Variants in WRN observed in about 807,000 individuals in gnomAD.
WRN encodes the protein WRN RecQ like helicase.
A neutral mutation model predicts 180.7 loss-of-function variants in WRN; 149 were observed. That is an observed-to-expected ratio of 0.82 (90% CI 0.72 to 0.94). The LOEUF (loss-of-function observed/expected upper bound fraction) is 0.94, where lower values mean the gene tolerates loss of function less well. Among genes scored for constraint, WRN ranks in the 40% least tolerant of loss-of-function variants. The pLI, the probability that WRN is intolerant of heterozygous loss-of-function variation, is 0.00. For synonymous variants in WRN, 548 were observed against 568.9 expected (o/e 0.96, Z 0.52); for missense variants, 1,661 against 1,700.1 (o/e 0.98, Z 0.40).
At chr8:31,158,939 A>G (rs1352556654) in intron 33 of WRN, among the ~76,000 whole-genome samples, 2 of 152,136 alleles carry the variant, frequency 1.3e-5, no homozygotes, top group East Asian at 3.8e-4. Context: ...CATGTTTGAA[A>G]TAGAAAACCA....
At chr8:31,035,958 A>G (rs1338934760) in intron 1 of WRN, among the ~76,000 whole-genome samples, 1 of 152,068 alleles carries the variant, frequency 6.6e-6, no homozygotes, top group Non-Finnish European at 1.5e-5. Flanking sequence ...CTCAAACCCT[A>G]TGATATTCCT....
rs929507406 is a variant in WRN, at chr8:31,044,505, C to T, written c.-77+10532C>T. Among the ~76,000 whole-genome samples the T allele has an allele frequency of 5.3e-5, 8 of 151,802 alleles. No individual in the cohort carries two copies. In the East Asian group the frequency reaches 5.8e-4, roughly 11 times the overall value. On this transcript the variant is annotated intron_variant, in intron 1 of 34. Coordinates refer to ENST00000298139, the MANE Select transcript of WRN (RefSeq NM_000553.6). ...CTGAGTAGCTGGGATTACAGGCGCC[C>T]GCCACCATGCTCTGCTAATTTTTGT...
intron 31 of WRN, among the ~76,000 whole-genome samples, chr8:31,151,209 C>T (rs529506517): frequency 1.3e-5 from 2 of 152,284 alleles, no homozygotes; most frequent in African/African-American, 2.4e-5. Flanking sequence ...TCCTCCCCCA[C>T]ATCCAGGAAA....
chr8:31,101,657 G>A lies in WRN; in HGVS notation c.2088+702G>A, dbSNP rs549569338. Among the ~76,000 whole-genome samples the A allele has an allele frequency of 3.3e-5, 5 of 151,704 alleles. No individual in the cohort carries two copies. The South Asian group carries it at 6.3e-4, about 19-fold the overall frequency. On this transcript the variant is annotated intron_variant, in intron 18 of 34. Transcript: ENST00000298139. ...CAACAATTAGCTGGGCGTGGTGGCA[G>A]GTGCCTGTAATCCCAGCTACTTGGG...
At chr8:31,053,055 A>G (rs907923000) in intron 1 of WRN, among the ~76,000 whole-genome samples, 1 of 152,242 alleles carries the variant, frequency 6.6e-6, no homozygotes, top group Non-Finnish European at 1.5e-5. Context: ...TATTTAATCA[A>G]AAAGGCATTC....
At chr8:31,150,974 T>A (rs1803101189) in intron 31 of WRN, among the ~76,000 whole-genome samples, 1 of 152,190 alleles carries the variant, frequency 6.6e-6, no homozygotes, top group South Asian at 2.1e-4. Flanking sequence ...AGTGACCATT[T>A]CCAGAAATGT....
chr8:31,141,042 A>C (rs1318015505), intron 24 of WRN, among the ~76,000 whole-genome samples: 1 of 152,172 alleles, frequency 6.6e-6, no homozygotes, highest in African/African-American at 2.4e-5. Context: ...GGCATGCCGC[A>C]TTGCGTTTTA....
rs1801182719 is a variant in WRN at position 31,108,551 on chromosome 8, G to T, written c.2089-3064G>T. ...ACTAGCACAATCCAGTGAAACAGAG[G>T]AAGCAGCAGCTTAATCAAAGGAAAA... On this transcript the variant is annotated intron_variant, in intron 18 of 34. Transcript: ENST00000298139. Among the ~76,000 whole-genome samples, 3 of 151,836 alleles carry T rather than the reference G, an allele frequency of 2.0e-5. No homozygotes were observed. The South Asian group carries it at 6.2e-4, about 32-fold the overall frequency.
intron 13 of WRN, 111 bp downstream of exon 13, chr8:31,089,076 A>T (rs1463160079): frequency 1.2e-6 from 1 of 843,588 alleles, no homozygotes; most frequent in African/African-American, 1.7e-5. Context: ...CACTATAGTT[A>T]TACATGCCAC....
intron 6 of WRN, 140 bp downstream of exon 6, chr8:31,067,322 G>T: frequency 1.0e-6 from 1 of 994,484 alleles, no homozygotes; most frequent in East Asian, 2.6e-5. Flanking sequence ...AAATGCTTAG[G>T]AAGACATTTA....
At position 31,041,141 on chromosome 8, in the gene WRN, T is replaced by G. The variant is rs377575477; in HGVS notation, c.-77+7168T>G. Among the ~76,000 whole-genome samples the G allele has an allele frequency of 8.5e-5, 13 of 152,302 alleles. No individual in the cohort carries two copies. The East Asian group carries it at 2.3e-3, about 27-fold the overall frequency. On this transcript the variant is annotated intron_variant, in intron 1 of 34. Transcript: ENST00000298139. ...ATCTGTATTTCTGTCTCTGTATCTA[T>G]GAAGAGATTATAAAAGTTTTAAGAT...
intron 34 of WRN, among the ~76,000 whole-genome samples, chr8:31,167,527 G>A (rs1803949202): frequency 6.6e-6 from 1 of 152,042 alleles, no homozygotes; most frequent in Non-Finnish European, 1.5e-5. Context: ...ATAGTTAATG[G>A]ATTTAAGCAT....
intron 18 of WRN, among the ~76,000 whole-genome samples, chr8:31,101,890 T>C (rs998772972): frequency 2.0e-5 from 3 of 152,046 alleles, no homozygotes; most frequent in East Asian, 1.9e-4. Flanking sequence ...ATAGCACTGT[T>C]TTATTTTTTA....
At chr8:31,066,632 G>A (rs1340448846) in intron 5 of WRN, among the ~76,000 whole-genome samples, 3 of 151,726 alleles carry the variant, frequency 2.0e-5, no homozygotes, top group Non-Finnish European at 4.4e-5. Context: ...GCATAATGGA[G>A]CTCTTGTGAT....
chr8:31,053,254 T>C (rs948766182), intron 1 of WRN, among the ~76,000 whole-genome samples: 4 of 152,112 alleles, frequency 2.6e-5, no homozygotes, highest in African/African-American at 9.7e-5. Context: ...GAGTGGAAGT[T>C]TGGGACAGGT....
At chr8:31,039,261 T>A (rs1375473878) in intron 1 of WRN, among the ~76,000 whole-genome samples, 1 of 152,244 alleles carries the variant, frequency 6.6e-6, no homozygotes, top group African/African-American at 2.4e-5. Context: ...TTCTGTAGTT[T>A]TCAGAGTACA....
At chr8:31,070,817 G>C (rs1812887018) in intron 7 of WRN, among the ~76,000 whole-genome samples, 1 of 152,108 alleles carries the variant, frequency 6.6e-6, no homozygotes, top group South Asian at 2.1e-4. Flanking sequence ...GGCCGAGGTG[G>C]GTGGATCACC....
At position 31,068,454 on chromosome 8, in the gene WRN, A is replaced by G. The variant is rs3087413; in HGVS notation, c.724+127A>G. 2.9e-4 allele frequency: 225 copies of G among 767,836 alleles called. No homozygotes were observed. In the African/African-American group the frequency reaches 3.7e-3, roughly 13 times the overall value. 47.6% of individuals were successfully genotyped at this position (767,836 alleles called of 1,614,324 possible). On this transcript the variant is annotated intron_variant, in intron 7 of 34. Coordinates refer to ENST00000298139, the MANE Select transcript of WRN (RefSeq NM_000553.6). ...CTTCTTGAATGTCTGAGCAGTCCTG[A>G]CATTAGGGTGGGATCCATCAGGGCC...
At chr8:31,119,261 A>G (rs915642456) in intron 20 of WRN, among the ~76,000 whole-genome samples, 2 of 151,646 alleles carry the variant, frequency 1.3e-5, no homozygotes, top group African/African-American at 4.8e-5. Flanking sequence ...TGGCATGCAG[A>G]TAGGTCTACT....
Sources: allele counts gnomAD v4.1 joint callset (sites outside exome capture counted in the v4.1 genomes callset), GRCh38; gene constraint gnomAD v4.1.1; transcripts MANE v1.5; gene names NCBI Gene and HGNC (gene_info 2026-07-23, HGNC 2026-07-21).